The following PTCD3 variants were observed in gnomAD, a reference collection of about 807,000 sequenced individuals.
The protein encoded by PTCD3 is pentatricopeptide repeat domain 3.
Under a neutral mutation model 101.9 loss-of-function variants are expected in PTCD3, and 89 were observed. The ratio of observed to expected loss-of-function variants is 0.87; its 90% CI spans 0.74 to 1.04. The LOEUF (loss-of-function observed/expected upper bound fraction) is 1.04. PTCD3 is among the 50% of genes least tolerant of loss of function. The probability of loss-of-function intolerance (pLI) is 0.00; values close to 1 mark genes in which losing one functional copy is unlikely to be tolerated. For synonymous variants in PTCD3, 296 were observed against 278.5 expected (o/e 1.06, Z -0.63); for missense variants, 870 against 828.2 (o/e 1.05, Z -0.62).
chr2:86,116,633 C>G (rs868119108), intron 5 of PTCD3, 35 bp downstream of exon 5: 1 of 1,505,540 alleles, frequency 6.6e-7, no homozygotes, highest in South Asian at 1.1e-5. Flanking sequence ...AGTGTTTTAT[C>G]TCTCTGGTTT....
At chr2:86,126,064 A>G (rs1460604971) in intron 12 of PTCD3, among the ~76,000 whole-genome samples, 184 bp downstream of exon 12, 1 of 151,950 alleles carries the variant, frequency 6.6e-6, no homozygotes, top group Non-Finnish European at 1.5e-5. Context: ...ACCCGTCTCT[A>G]CTAAAAGTAC....
At chr2:86,120,547 C>A (rs1227177717) in intron 7 of PTCD3, among the ~76,000 whole-genome samples, 2 of 152,102 alleles carry the variant, frequency 1.3e-5, no homozygotes, top group African/African-American at 4.8e-5. Flanking sequence ...CTCTTCTGGA[C>A]TTTTTACATT....
rs764057005 is a variant in PTCD3 at position 86,116,534 on chromosome 2, C to T, written c.245C>T (p.Thr82Ile). Residue 82 changes from threonine to isoleucine, a missense_variant, in exon 5 of 24, where the codon ACC becomes ATC. Thr to Ile is a moderately conservative substitution (Grantham distance 89, BLOSUM62 -1). Coordinates refer to ENST00000254630, the MANE Select transcript of PTCD3 (RefSeq NM_017952.6). ...TGTATTATGTCTTTTCCACAGGATACCACAGCTGTGCCTTATGTGTTTCAA... is the reference window on the plus strand; with the variant it reads ...TGTATTATGTCTTTTCCACAGGATATCACAGCTGTGCCTTATGTGTTTCAA... ...QALASTVNRD[T>I]TAVPYVFQDD... The T allele has an allele frequency of 1.2e-6, 2 of 1,606,822 alleles. No homozygotes were observed. Among genetic ancestry groups the T allele is most frequent in the African/African-American group, 1.3e-5 (1 of 74,892 alleles).
Position 86,121,525 on chromosome 2 carries a change from G to T in PTCD3, c.585G>T (p.Leu195Phe). ...CAACAAATAGTCTCTTGGATTTATTGTGTTACTATGGTGACCAGGAGCCCT... is the reference window on the plus strand; with the variant it reads ...CAACAAATAGTCTCTTGGATTTATTTTGTTACTATGGTGACCAGGAGCCCT... ...LETTNSLLDL[L>F]CYYGDQEPST... The change falls in exon 8 of 24, where the codon TTG (leucine) becomes TTT (phenylalanine). Residue 195 changes from leucine to phenylalanine, a missense_variant. Physicochemically the swap from Leu to Phe is conservative, Grantham distance 22. Transcript: ENST00000254630. The T allele has an allele frequency of 6.2e-7, 1 of 1,610,138 alleles. No individual in the cohort carries two copies. The highest frequency in any genetic ancestry group is 8.5e-7 in the Non-Finnish European group (1 of 1,178,234).
In PTCD3 at chr2:86,141,005, AT is replaced by A. The variant is rs1674676140; in HGVS notation, c.*3449del. ...CAAGGATGTTTTTCAGAGCTCTGTG[AT>A]TTAAGATGCTCGAAAAGAGTGTCCA... On this transcript the variant is annotated 3_prime_UTR_variant, in exon 24 of 24. Coordinates refer to ENST00000254630, the MANE Select transcript of PTCD3 (RefSeq NM_017952.6). 1 of 151,910 alleles carries A rather than the reference AT, an allele frequency of 6.6e-6. No individual in the cohort carries two copies. The highest frequency in any genetic ancestry group is 6.6e-5 in the Admixed American group (1 of 15,260). The allele number at this position is 151,910 out of a possible 1,614,324, so 9.4% of individuals were successfully genotyped here. A position where few individuals can be genotyped will look rare whatever the true frequency, so the allele number is the denominator to read the frequency against.
Position 86,129,128 on chromosome 2 carries a change from C to G in PTCD3, c.1147+1137C>G, listed in dbSNP as rs139958689. Reference sequence around the variant, plus strand: ...CAGTTAATTGACTATACCTTGGAAACAGGTAAACAGTTTCCATAATTGTGT... The same window carrying G: ...CAGTTAATTGACTATACCTTGGAAAGAGGTAAACAGTTTCCATAATTGTGT... On this transcript the variant is annotated intron_variant, in intron 14 of 23. Coordinates refer to ENST00000254630, the MANE Select transcript of PTCD3 (RefSeq NM_017952.6). Among the ~76,000 whole-genome samples the G allele has an allele frequency of 4.3e-4, 65 of 152,284 alleles. No homozygotes were observed. The East Asian group carries it at 0.011, about 26-fold the overall frequency.
At chr2:86,117,866 G>A (rs1674203471) in intron 6 of PTCD3, among the ~76,000 whole-genome samples, 1 of 151,988 alleles carries the variant, frequency 6.6e-6, no homozygotes, top group Admixed American at 6.6e-5. Flanking sequence ...AGCCTCTGCC[G>A]CCCGGGTTCA....
chr2:86,134,421 G>A (rs1553442086), intron 20 of PTCD3, 44 bp downstream of exon 20: 1 of 1,486,400 alleles, frequency 6.7e-7, no homozygotes, highest in Admixed American at 1.7e-5. Context: ...CCATACTGAG[G>A]TCTTCTTAAG....
intron 22 of PTCD3, 156 bp from the exon 23 acceptor site, chr2:86,136,826 A>C: frequency 9.6e-7 from 1 of 1,038,414 alleles, no homozygotes; most frequent in Non-Finnish European, 1.4e-6. Context: ...TAGACTTTCT[A>C]ACCTCACTGG....
intron 3 of PTCD3, among the ~76,000 whole-genome samples, chr2:86,109,900 A>G (rs1674043324): frequency 6.6e-6 from 1 of 152,244 alleles, no homozygotes; most frequent in African/African-American, 2.4e-5. Context: ...GCAGAATGAC[A>G]GTGTGTATAC....
chr2:86,136,031 A>G lies in PTCD3; in HGVS notation c.1779-490A>G, dbSNP rs532802594. 3 of 519,036 alleles carry G rather than the reference A, an allele frequency of 5.8e-6. No individual in the cohort carries two copies. In the East Asian group the frequency reaches 1.6e-4, roughly 28 times the overall value. The allele number at this position is 519,036 out of a possible 1,614,324, so 32.2% of individuals were successfully genotyped here. The stretch of plus-strand genomic sequence containing the variant: ...GCACTTCATAACAGAATTCTAAGAC[A>G]GACTGAACCCCTGCTGTACTTTAAG... On this transcript the variant is annotated intron_variant, in intron 21 of 23. Transcript: ENST00000254630.
At chr2:86,119,151 C>A in intron 7 of PTCD3, 107 bp downstream of exon 7, 1 of 1,407,540 alleles carries the variant, frequency 7.1e-7, no homozygotes, top group Non-Finnish European at 9.8e-7. Flanking sequence ...GCTGTACTTA[C>A]TCTGCTTTGA....
At chr2:86,127,361 C>T in intron 13 of PTCD3, 56 bp downstream of exon 13, 1 of 1,539,082 alleles carries the variant, frequency 6.5e-7, no homozygotes, top group Non-Finnish European at 8.8e-7. Flanking sequence ...CCAGAGGTTT[C>T]AGGGCTACAT....
chr2:86,131,097 C>T lies in PTCD3; in HGVS notation c.1257C>T (p.Ala419=), dbSNP rs1292393248. 3 of 1,601,232 alleles carry T rather than the reference C, an allele frequency of 1.9e-6. No individual in the cohort carries two copies. The highest frequency in any genetic ancestry group is 2.7e-5 in the African/African-American group (2 of 74,240). The change falls in exon 16 of 24, where the codon GCC becomes GCT. Residue 419 remains alanine (A), a synonymous_variant. Transcript: ENST00000254630. ...TTTCAGATAAGTTTTTTCAGTCAGC[C>T]ATGAGCATAGTAAGTATCATTTCTT... ...DPDDDKFFQS[A]MSICSSLRDL... is the part of the protein sequence containing the mutation.
chr2:86,111,196 T>C, intron 4 of PTCD3, 38 bp downstream of exon 4: 1 of 1,553,490 alleles, frequency 6.4e-7, no homozygotes, highest in East Asian at 2.2e-5. Flanking sequence ...ACCTAAAACT[T>C]GGCTAATAAC....
intron 4 of PTCD3, among the ~76,000 whole-genome samples, chr2:86,113,007 T>C (rs1033386518): frequency 2.0e-5 from 3 of 152,184 alleles, no homozygotes; most frequent in Non-Finnish European, 4.4e-5. Context: ...CTGGTTTGTT[T>C]TAATAGCCAA....
chr2:86,130,706 A>G lies in PTCD3; in HGVS notation c.1206A>G (p.Gly402=). The G allele has an allele frequency of 1.2e-6, 2 of 1,613,798 alleles. No homozygotes were observed. Among genetic ancestry groups the G allele is most frequent in the Non-Finnish European group, 1.7e-6 (2 of 1,179,868 alleles). ...IIYDIMNELM[G]KRFSPKDPDD... is the part of the protein sequence containing the mutation. ...ATGATATAATGAATGAATTAATGGG[A>G]AAGAGATTTTCTCCAAAGGACCCGG... Residue 402 remains glycine, a synonymous_variant, in exon 15 of 24, where the codon GGA becomes GGG. Transcript: ENST00000254630.
At chr2:86,109,396 G>A (rs1674033423) in intron 3 of PTCD3, among the ~76,000 whole-genome samples, 1 of 119,964 alleles carries the variant, frequency 8.3e-6, no homozygotes, top group Non-Finnish European at 1.8e-5. Context: ...GACAGAGCAA[G>A]ACTCCATCTC....
chr2:86,131,029 A>G, intron 15 of PTCD3, 49 bp from the exon 16 acceptor site: 1 of 1,567,458 alleles, frequency 6.4e-7, no homozygotes, highest in Non-Finnish European at 8.7e-7. Flanking sequence ...TGACTTGAAA[A>G]TATATTTTAT....
Sources: allele counts gnomAD v4.1 joint callset (sites outside exome capture counted in the v4.1 genomes callset), GRCh38; gene constraint gnomAD v4.1.1; transcripts MANE v1.5; gene names NCBI Gene and HGNC (gene_info 2026-07-23, HGNC 2026-07-21).